Variants in OCA2 observed in about 807,000 individuals in gnomAD.
OCA2 encodes the protein OCA2 melanosomal transmembrane protein.
In OCA2, 77 loss-of-function variants were observed where a neutral mutation model predicts 100.2. The observed-to-expected ratio is 0.77, with a 90% CI of 0.64 to 0.93. The LOEUF (loss-of-function observed/expected upper bound fraction) is 0.93, where lower values mean the gene tolerates loss of function less well. Ranked by LOEUF, OCA2 falls within the 40% of genes least tolerant of loss-of-function variation. The pLI, the probability that OCA2 is intolerant of heterozygous loss-of-function variation, is 0.00. For synonymous variants in OCA2, 432 were observed against 439.2 expected (o/e 0.98, Z 0.21); for missense variants, 1,062 against 1,089.1 (o/e 0.98, Z 0.35).
At chr15:28,090,184 G>A (rs186070044) in intron 1 of OCA2, among the ~76,000 whole-genome samples, 1 of 152,226 alleles carries the variant, frequency 6.6e-6, no homozygotes, top group East Asian at 1.9e-4. Flanking sequence ...AAACAACAGA[G>A]CTGCAAAATA....
At chr15:27,747,754 A>G in the OCA2 span, among the ~76,000 whole-genome samples, 10 of 152,188 alleles carry the variant, frequency 6.6e-5, no homozygotes, top group Non-Finnish European at 7.3e-5. Context: ...TCTATTAAAA[A>G]AAATGAGTAT....
chr15:27,988,374 G>A (rs61521738), intron 11 of OCA2, among the ~76,000 whole-genome samples: 1 of 152,048 alleles, frequency 6.6e-6, no homozygotes, highest in South Asian at 2.1e-4. Flanking sequence ...ATGTGAGACT[G>A]TATTTGGAGT....
chr15:27,751,164 C>T (rs927706394), downstream of OCA2, among the ~76,000 whole-genome samples: 1 of 152,144 alleles, frequency 6.6e-6, no homozygotes, highest in Non-Finnish European at 1.5e-5. Context: ...CCAAAACATC[C>T]TCTGGTCCTT....
chr15:28,060,021 G>A (rs2043822907), intron 2 of OCA2, among the ~76,000 whole-genome samples: 1 of 152,222 alleles, frequency 6.6e-6, no homozygotes, highest in Non-Finnish European at 1.5e-5. Context: ...GCGAGCACAC[G>A]CCGCATGCCC....
the OCA2 span, among the ~76,000 whole-genome samples, chr15:27,741,723 G>C: frequency 1.3e-5 from 2 of 152,232 alleles, no homozygotes; most frequent in Admixed American, 1.3e-4. Context: ...CTTTTCCTGG[G>C]GAACAAAAAG....
chr15:27,864,888 A>C (rs1477561172), intron 21 of OCA2, among the ~76,000 whole-genome samples: 1 of 151,852 alleles, frequency 6.6e-6, no homozygotes, highest in Non-Finnish European at 1.5e-5. Context: ...AGGGCCATGC[A>C]ATGGAGCCCT....
In OCA2 at chr15:27,760,035, T is replaced by C. The variant is rs2030707315; in HGVS notation, c.2433-4563A>G. Among the ~76,000 whole-genome samples, 2 of 152,112 alleles carry C rather than the reference T, an allele frequency of 1.3e-5. 1 individual carries two copies. Among genetic ancestry groups the C allele is most frequent in the South Asian group, 4.1e-4 (2 of 4,824 alleles). On this transcript the variant is annotated intron_variant, in intron 23 of 23. Coordinates refer to ENST00000354638, the MANE Select transcript of OCA2 (RefSeq NM_000275.3). Reference sequence around the variant, plus strand: ...TCTTACCATAAGCAATCAAACTAATTTTGATTTCAAATTTGATTTGATTTG... The same window carrying C: ...TCTTACCATAAGCAATCAAACTAATCTTGATTTCAAATTTGATTTGATTTG...
In OCA2 at chr15:27,883,671, TCCATGA is replaced by T. The variant is rs144825641; in HGVS notation, c.2080-11755_2080-11750del. ...CCGGCATTTGAGAACCTGAACAGTCTCCATGACCATCAGGTGTACCATGGCAGAGGT... is the reference window on the plus strand; with the variant it reads ...CCGGCATTTGAGAACCTGAACAGTCTCCATCAGGTGTACCATGGCAGAGGT... On this transcript the variant is annotated intron_variant, in intron 19 of 23. Coordinates refer to ENST00000354638, the MANE Select transcript of OCA2 (RefSeq NM_000275.3). 5.0e-3 allele frequency among the ~76,000 whole-genome samples: 767 copies of T among 152,286 alleles called. 9 individuals are homozygous for T. The highest frequency in any genetic ancestry group is 0.017 in the African/African-American group (712 of 41,560).
chr15:28,099,135 C>A (rs2045038917), intron 1 of OCA2, 89 bp downstream of exon 1: 1 of 154,424 alleles, frequency 6.5e-6, no homozygotes, highest in African/African-American at 2.4e-5. Flanking sequence ...CGCGACTCAG[C>A]CGGGGCTGTG....
chr15:27,797,419 A>T (rs1332529313), intron 23 of OCA2, among the ~76,000 whole-genome samples: 1 of 152,114 alleles, frequency 6.6e-6, no homozygotes, highest in Non-Finnish European at 1.5e-5. Flanking sequence ...CTAGACCTTG[A>T]CCTTAAGGGA....
intron 23 of OCA2, among the ~76,000 whole-genome samples, chr15:27,805,492 C>T (rs1438466275): frequency 6.6e-6 from 1 of 152,182 alleles, no homozygotes; most frequent in Admixed American, 6.5e-5. Flanking sequence ...CTCCAGGCGG[C>T]GACAGCATGG....
At chr15:27,903,103 G>A (rs2038023036) in intron 19 of OCA2, among the ~76,000 whole-genome samples, 1 of 152,216 alleles carries the variant, frequency 6.6e-6, no homozygotes, top group South Asian at 2.1e-4. Context: ...AGATCTGCGG[G>A]GGTCCCAGCG....
At chr15:27,740,372 T>G in the OCA2 span, among the ~76,000 whole-genome samples, 3 of 151,880 alleles carry the variant, frequency 2.0e-5, no homozygotes. Flanking sequence ...TCCTCCCAAT[T>G]CAGACACAAC....
At chr15:27,879,726 A>C (rs2036937109) in intron 19 of OCA2, among the ~76,000 whole-genome samples, 1 of 152,070 alleles carries the variant, frequency 6.6e-6, no homozygotes, top group Non-Finnish European at 1.5e-5. Context: ...AATTTGTTTA[A>C]GTTCCTTGTA....
intron 19 of OCA2, among the ~76,000 whole-genome samples, chr15:27,914,364 C>T (rs7496015): frequency 0.19 from 29,135 of 152,044 alleles, 4,105 homozygotes; most frequent in East Asian, 0.62. Context: ...CTAGCCAGAG[C>T]AATCAGGCAA....
intron 13 of OCA2, among the ~76,000 whole-genome samples, chr15:27,983,998 A>G (rs144853306): frequency 6.6e-6 from 1 of 150,778 alleles, no homozygotes; most frequent in Non-Finnish European, 1.5e-5. Flanking sequence ...CTAGATATAT[A>G]TATACATACA....
At position 28,050,777 on chromosome 15, in the gene OCA2, C is replaced by T. The variant is rs552617660; in HGVS notation, c.228-18614G>A. 2.0e-5 allele frequency among the ~76,000 whole-genome samples: 3 copies of T among 152,258 alleles called. No individual in the cohort carries two copies. The South Asian group carries it at 6.2e-4, about 32-fold the overall frequency. ...TCTCCTGGACATGAGGCCACACAGA[C>T]ATGCCGAGTGCAGGTAAAACACATG... On this transcript the variant is annotated intron_variant, in intron 2 of 23. Coordinates refer to ENST00000354638, the MANE Select transcript of OCA2 (RefSeq NM_000275.3).
At chr15:27,997,176 AGAG>A in intron 9 of OCA2, among the ~76,000 whole-genome samples, 1 of 148,620 alleles carries the variant, frequency 6.7e-6, no homozygotes, top group African/African-American at 2.5e-5. Flanking sequence ...GGAAGGAAGG[AGAG>A]AGAAAGAAAA....
At chr15:27,997,582 C>T (rs1382027996) in intron 9 of OCA2, among the ~76,000 whole-genome samples, 6 of 151,640 alleles carry the variant, frequency 4.0e-5, no homozygotes, top group African/African-American at 1.2e-4. Flanking sequence ...TTACTGTAGC[C>T]TTGTAGTATA....
Sources: allele counts gnomAD v4.1 joint callset (sites outside exome capture counted in the v4.1 genomes callset), GRCh38; gene constraint gnomAD v4.1.1; transcripts MANE v1.5; gene names NCBI Gene and HGNC (gene_info 2026-07-23, HGNC 2026-07-21).